THAP1: variants seen among roughly 807,000 people sequenced by gnomAD.
The protein encoded by THAP1 is THAP domain containing 1, also known as THAP domain-containing protein 1.
THAP1 carries 6 observed loss-of-function variants against 18.2 expected under a neutral mutation model. The ratio of observed to expected loss-of-function variants is 0.33; its 90% CI spans 0.18 to 0.65. THAP1 has a LOEUF of 0.65. Ranked by LOEUF, THAP1 falls within the 30% of genes least tolerant of loss-of-function variation. THAP1 has a pLI of 0.74. For missense variants in THAP1, 176 were observed against 253.0 expected (o/e 0.70, Z 2.06); for synonymous variants, 85 against 90.5 (o/e 0.94, Z 0.34).
chr8:42,841,177 A>G (rs1406971908), intron 1 of THAP1, among the ~76,000 whole-genome samples: 1 of 152,048 alleles, frequency 6.6e-6, no homozygotes, highest in East Asian at 1.9e-4. Context: ...GATTCTCTTA[A>G]GATCTTTCCC....
rs1431816932 is a variant in THAP1 at position 42,843,153 on chromosome 8, C to T, written c.-59G>A. ...CGCAGAAGGCAGGGGAAGCTGTTCT[C>T]AGTGTCGCTGCGCTCGGTTGGATTC... On this transcript the variant is annotated 5_prime_UTR_variant, in exon 1 of 3. Transcript: ENST00000254250. 5.6e-6 allele frequency: 9 copies of T among 1,601,680 alleles called. No homozygotes were observed. The highest frequency in any genetic ancestry group is 2.2e-5 in the East Asian group (1 of 44,670).
chr8:42,837,854 GT>G lies in THAP1; in HGVS notation c.*107del. On this transcript the variant is annotated 3_prime_UTR_variant, in exon 3 of 3. Transcript: ENST00000254250. ...TTTTTTTAAAAAAATATTCTGAACT[GT>G]TTTTATATAAGTAATCAAATGTTAT... The G allele has an allele frequency of 7.9e-7, 1 of 1,262,178 alleles. No homozygotes were observed. Among genetic ancestry groups the G allele is most frequent in the Non-Finnish European group, 1.1e-6 (1 of 926,610 alleles). The allele number at this position is 1,262,178 out of a possible 1,614,324, so 78.2% of individuals were successfully genotyped here.
intron 2 of THAP1, 51 bp from the exon 3 acceptor site, chr8:42,838,387 AAAAGAATCT>A (rs1270437311): frequency 2.5e-6 from 4 of 1,603,564 alleles, no homozygotes; most frequent in Non-Finnish European, 3.4e-6. Flanking sequence ...AAAACAGTTT[AAAAGAATCT>A]GTGGACTGAC....
intron 1 of THAP1, among the ~76,000 whole-genome samples, chr8:42,840,486 T>TG (rs546420095): frequency 1.3e-5 from 2 of 152,200 alleles, no homozygotes; most frequent in Non-Finnish European, 2.9e-5. Flanking sequence ...TTTGGTAAAC[T>TG]GGGGGGATTA....
intron 1 of THAP1, among the ~76,000 whole-genome samples, chr8:42,841,294 CTT>C (rs775435611): frequency 8.3e-5 from 8 of 95,950 alleles, no homozygotes; most frequent in African/African-American, 3.1e-4. Flanking sequence ...ACAGTTGTAT[CTT>C]TTTTTTTTTT....
At chr8:42,842,936 A>T (rs556422716) in intron 1 of THAP1, 88 bp downstream of exon 1, 72 of 471,502 alleles carry the variant, frequency 1.5e-4, no homozygotes, top group Middle Eastern at 8.9e-4. Context: ...CCTCGCGCGG[A>T]CACGCGCCTG....
chr8:42,837,089 AAC>A lies in THAP1; in HGVS notation c.*871_*872del, dbSNP rs1368304237. ...CATATGATACAAATCAAACTCTACT[AAC>A]ACAGCACATTTGTCAGAGACTTGAA... On this transcript the variant is annotated 3_prime_UTR_variant, in exon 3 of 3. Transcript: ENST00000254250. 6.6e-6 allele frequency: 1 copy of A among 152,240 alleles called. No homozygotes were observed. The highest frequency in any genetic ancestry group is 1.5e-5 in the Non-Finnish European group (1 of 68,046). 9.4% of individuals were successfully genotyped at this position (152,240 alleles called of 1,614,324 possible).
At chr8:42,841,113 T>C (rs926889559) in intron 1 of THAP1, among the ~76,000 whole-genome samples, 2 of 151,894 alleles carry the variant, frequency 1.3e-5, no homozygotes, top group Non-Finnish European at 2.9e-5. Context: ...GCTGGTAAAA[T>C]TCAGTACCTA....
chr8:42,838,924 A>G (rs1444417777), intron 2 of THAP1, among the ~76,000 whole-genome samples: 1 of 152,206 alleles, frequency 6.6e-6, no homozygotes, highest in Non-Finnish European at 1.5e-5. Context: ...TCACTGATAA[A>G]GAAAACCCAA....
chr8:42,843,247 G>T lies in THAP1; in HGVS notation c.-153C>A, dbSNP rs888386231. The T allele has an allele frequency of 2.9e-5, 25 of 868,578 alleles. No individual in the cohort carries two copies. The highest frequency in any genetic ancestry group is 4.3e-5 in the Non-Finnish European group (23 of 530,584). 53.8% of individuals were successfully genotyped at this position (868,578 alleles called of 1,614,324 possible). A position where few individuals can be genotyped will look rare whatever the true frequency, so the allele number is the denominator to read the frequency against. On this transcript the variant is annotated 5_prime_UTR_variant, in exon 1 of 3. Transcript: ENST00000254250. ...GGCCTCCCTCGGGGGTGACTAGTGT[G>T]CCCGTTTTGTTGTTTGCATTAGCAG...
rs748328560 is a variant in THAP1 at position 42,838,188 on chromosome 8, A to C, written c.416T>G (p.Val139Gly). The C allele has an allele frequency of 1.2e-6, 2 of 1,614,112 alleles. No individual in the cohort carries two copies. Among genetic ancestry groups the C allele is most frequent in the South Asian group, 2.2e-5 (2 of 91,080 alleles). Residue 139 changes from valine (V) to glycine (G), a missense_variant, in exon 3 of 3, where the codon GTG becomes GGG. By Grantham distance (109) the Val-to-Gly change is moderately radical. Coordinates refer to ENST00000254250, the MANE Select transcript of THAP1 (RefSeq NM_018105.3). ...TTTCCGCTGGTGCATTGTATCCTCCACAGTATAGTTGTGGTCACAGAAAAC... is the reference window on the plus strand; with the variant it reads ...TTTCCGCTGGTGCATTGTATCCTCCCCAGTATAGTTGTGGTCACAGAAAAC... ...LSVFCDHNYTVEDTMHQRKRI... is the reference protein window; with the variant it reads ...LSVFCDHNYTGEDTMHQRKRI...
At position 42,843,000 on chromosome 8, in the gene THAP1, C is replaced by G. The variant is rs1802755232; in HGVS notation, c.71+24G>C. 3.7e-6 allele frequency: 6 copies of G among 1,602,394 alleles called. No homozygotes were observed. The African/African-American group carries it at 8.1e-5, about 22-fold the overall frequency. On this transcript the variant is annotated intron_variant, in intron 1 of 2. Transcript: ENST00000254250. ...GCCCCCACCCCGGCTGAGACCGGCC[C>G]CGCGAGGCGCGCAGGGTCCTCACTT...
intron 1 of THAP1, 41 bp from the exon 2 acceptor site, chr8:42,839,422 T>A: frequency 6.2e-7 from 1 of 1,609,846 alleles, no homozygotes; most frequent in Non-Finnish European, 8.5e-7. Flanking sequence ...CCTGATTTTT[T>A]AAATAAATAA....
chr8:42,842,835 G>GACGCGCGCCGAGA (rs933858424), intron 1 of THAP1, 189 bp downstream of exon 1: 1 of 261,844 alleles, frequency 3.8e-6, no homozygotes, highest in African/African-American at 2.3e-5. Flanking sequence ...CTGCCGCGGC[G>GACGCGCGCCGAGA]ACGCGCGCCG....
chr8:42,842,638 G>T (rs952513990), intron 1 of THAP1: 5 of 153,056 alleles, frequency 3.3e-5, no homozygotes, highest in African/African-American at 7.2e-5. Flanking sequence ...TGATTTCTTC[G>T]TTTAAAGGCC....
chr8:42,838,355 G>GT lies in THAP1; in HGVS notation c.268-20dup, dbSNP rs1209599476. 1.2e-6 allele frequency: 2 copies of GT among 1,612,266 alleles called. No homozygotes were observed. The highest frequency in any genetic ancestry group is 1.7e-6 in the Non-Finnish European group (2 of 1,179,824). On this transcript the variant is annotated intron_variant, in intron 2 of 2. Transcript: ENST00000254250. ...CTTCTTTCTAAAACAAAAATACAAA[G>GT]TATGTTTGAATTTAGTAACTAAAAA...
chr8:42,841,872 CCTCT>C (rs912503135), intron 1 of THAP1, among the ~76,000 whole-genome samples: 51 of 152,160 alleles, frequency 3.4e-4, no homozygotes, highest in Admixed American at 1.6e-3. Context: ...ACTCTGGAGA[CCTCT>C]CTATGTTCTA....
chr8:42,839,920 G>A (rs1802685392), intron 1 of THAP1, among the ~76,000 whole-genome samples: 1 of 152,176 alleles, frequency 6.6e-6, no homozygotes, highest in East Asian at 1.9e-4. Flanking sequence ...TAGAGTAAAT[G>A]TGCCCACGGC....
At position 42,843,307 on chromosome 8, in the gene THAP1, A is replaced by G; in HGVS notation, c.-213T>C. 1 of 622,506 alleles carries G rather than the reference A, an allele frequency of 1.6e-6. No homozygotes were observed. The highest frequency in any genetic ancestry group is 1.7e-5 in the South Asian group (1 of 58,106). The allele number at this position is 622,506 out of a possible 1,614,324, so 38.6% of individuals were successfully genotyped here. A position where few individuals can be genotyped will look rare whatever the true frequency, so the allele number is the denominator to read the frequency against. On this transcript the variant is annotated 5_prime_UTR_variant, in exon 1 of 3. Coordinates refer to ENST00000254250, the MANE Select transcript of THAP1 (RefSeq NM_018105.3). ...AGCCATCGCCCGTCTCCCATCTCCA[A>G]GATGGCGGAGGCAGCTTCAACCTCA... is the stretch of plus-strand genomic sequence containing the variant.
Sources: gnomAD v4.1 joint callset for allele counts (sites outside exome capture counted in the v4.1 genomes callset) on GRCh38, gnomAD v4.1.1 for gene constraint, MANE v1.5 for transcripts, NCBI Gene and HGNC (gene_info 2026-07-23, HGNC 2026-07-21) for gene names.